Variants in AGBL1 observed in about 807,000 individuals in gnomAD.
AGBL1 encodes the protein AGBL carboxypeptidase 1.
AGBL1 carries 130 observed loss-of-function variants against 118.9 expected under a neutral mutation model. That is an observed-to-expected ratio of 1.09 (90% CI 0.95 to 1.26). The LOEUF (loss-of-function observed/expected upper bound fraction) is 1.26. AGBL1 is among the 50% of genes most tolerant of loss of function. AGBL1 has a pLI of 0.00. For synonymous variants in AGBL1, 555 were observed against 478.9 expected (o/e 1.16, Z -2.08); for missense variants, 1,584 against 1,298.1 (o/e 1.22, Z -3.38).
At chr15:86,295,502 A>G (rs763734407) in intron 17 of AGBL1, 94 bp downstream of exon 17, 11 of 1,347,992 alleles carry the variant, frequency 8.2e-6, no homozygotes, top group Non-Finnish European at 1.1e-5. Flanking sequence ...CAAAAGCTCC[A>G]TAAAGGGTTG....
intron 22 of AGBL1, among the ~76,000 whole-genome samples, chr15:86,719,416 TAAAAAG>T (rs1193309199): frequency 1.3e-5 from 2 of 152,054 alleles, no homozygotes; most frequent in Non-Finnish European, 2.9e-5. Flanking sequence ...TCCACTAATC[TAAAAAG>T]AAAAAGAAAA....
intron 22 of AGBL1, among the ~76,000 whole-genome samples, chr15:86,745,367 A>G (rs2077740541): frequency 6.6e-6 from 1 of 152,074 alleles, no homozygotes; most frequent in Non-Finnish European, 1.5e-5. Context: ...TATAGAAAAT[A>G]TTAAGTGAAA....
In AGBL1 at chr15:86,937,731, G is replaced by A. The variant is rs568974841; in HGVS notation, c.3222-50256G>A. 6.6e-5 allele frequency among the ~76,000 whole-genome samples: 10 copies of A among 152,262 alleles called. No individual in the cohort carries two copies. The South Asian group carries it at 2.1e-3, about 32-fold the overall frequency. ...TAATACCTGGGTGATGAAATAATCT[G>A]TACAACAAACCCCCATGACATGAGT... On this transcript the variant is annotated intron_variant, in intron 23 of 24. Coordinates refer to the AGBL1 transcript ENST00000441037.
intron 17 of AGBL1, among the ~76,000 whole-genome samples, chr15:86,396,519 C>T (rs1390226067): frequency 1.3e-5 from 2 of 152,048 alleles, no homozygotes; most frequent in African/African-American, 2.4e-5. Context: ...GATTGAGCTT[C>T]CAGATATTTA....
chr15:86,522,382 T>G (rs756051754), intron 18 of AGBL1, among the ~76,000 whole-genome samples: 1 of 152,216 alleles, frequency 6.6e-6, no homozygotes, highest in Non-Finnish European at 1.5e-5. Flanking sequence ...TGTTCTAATG[T>G]CTACCTTGCA....
chr15:86,425,304 C>G (rs2142030464), intron 18 of AGBL1, among the ~76,000 whole-genome samples: 1 of 152,166 alleles, frequency 6.6e-6, no homozygotes, highest in South Asian at 2.1e-4. Context: ...AAACCAAACA[C>G]CACATGTTCT....
chr15:86,635,316 C>A (rs1215420892), intron 21 of AGBL1, among the ~76,000 whole-genome samples: 1 of 87,250 alleles, frequency 1.1e-5, no homozygotes, highest in African/African-American at 5.5e-5. Flanking sequence ...TCCTCCTCCT[C>A]CTCCTCCTCC....
At chr15:86,195,984 T>G (rs943710059) in intron 5 of AGBL1, among the ~76,000 whole-genome samples, 10 of 152,198 alleles carry the variant, frequency 6.6e-5, no homozygotes, top group African/African-American at 9.6e-5. Flanking sequence ...GATTTCGTGG[T>G]CAAATAAATT....
At chr15:86,462,637 A>G (rs1361093287) in intron 18 of AGBL1, among the ~76,000 whole-genome samples, 2 of 151,968 alleles carry the variant, frequency 1.3e-5, no homozygotes, top group Non-Finnish European at 2.9e-5. Flanking sequence ...CCCTGTGCCC[A>G]TATGTTCTCA....
chr15:86,397,620 C>A (rs899465584), intron 18 of AGBL1, 74 bp downstream of exon 18: 3 of 1,415,622 alleles, frequency 2.1e-6, no homozygotes, highest in Non-Finnish European at 2.9e-6. Flanking sequence ...ACCAAGTAGG[C>A]GTGATTGGAG....
intron 22 of AGBL1, among the ~76,000 whole-genome samples, chr15:86,896,695 G>A (rs2080132976): frequency 6.6e-6 from 1 of 151,934 alleles, no homozygotes; most frequent in African/African-American, 2.4e-5. Context: ...ATTCCAATAT[G>A]CATTTTCTTT....
At chr15:86,985,771 A>G (rs971208607) in intron 23 of AGBL1, among the ~76,000 whole-genome samples, 12 of 152,018 alleles carry the variant, frequency 7.9e-5, no homozygotes, top group Non-Finnish European at 2.9e-5. Context: ...TATGGTTTAT[A>G]TTGTTGCTGT....
At chr15:86,544,964 C>T (rs185184819) in intron 19 of AGBL1, among the ~76,000 whole-genome samples, 21 of 152,234 alleles carry the variant, frequency 1.4e-4, no homozygotes, top group African/African-American at 5.1e-4. Context: ...GCATCACTGC[C>T]CTTGTCATAT....
intron 16 of AGBL1, among the ~76,000 whole-genome samples, chr15:86,285,735 T>A (rs1396945069): frequency 1.3e-5 from 2 of 152,216 alleles, no homozygotes; most frequent in Non-Finnish European, 2.9e-5. Flanking sequence ...TTTGTAATAT[T>A]ATTGTGGAAA....
At chr15:86,230,201 C>T (rs750486150) in intron 6 of AGBL1, among the ~76,000 whole-genome samples, 1 of 152,136 alleles carries the variant, frequency 6.6e-6, no homozygotes, top group East Asian at 1.9e-4. Context: ...GTGCTGAGAG[C>T]CGGATCAGGA....
chr15:86,192,146 G>A (rs1438665258), intron 5 of AGBL1, among the ~76,000 whole-genome samples: 15 of 150,972 alleles, frequency 9.9e-5, no homozygotes, highest in East Asian at 3.9e-4. Flanking sequence ...ACACATGCAC[G>A]CATGCACGTG....
intron 17 of AGBL1, among the ~76,000 whole-genome samples, chr15:86,364,380 T>C (rs189661499): frequency 5.3e-5 from 8 of 152,348 alleles, no homozygotes; most frequent in African/African-American, 1.7e-4. Flanking sequence ...AATTATGTGC[T>C]ATAGTCAGAG....
intron 23 of AGBL1, among the ~76,000 whole-genome samples, chr15:86,942,020 G>A (rs887433495): frequency 1.3e-5 from 2 of 152,186 alleles, no homozygotes; most frequent in Non-Finnish European, 2.9e-5. Context: ...CATCCAACTC[G>A]AACCAGGCAA....
chr15:86,811,356 A>G (rs1165344237), intron 22 of AGBL1, among the ~76,000 whole-genome samples: 1 of 152,196 alleles, frequency 6.6e-6, no homozygotes, highest in Non-Finnish European at 1.5e-5. Flanking sequence ...CTACTGGAAA[A>G]GTTCAGATAT....
Sources: allele counts gnomAD v4.1 joint callset (sites outside exome capture counted in the v4.1 genomes callset), GRCh38; gene constraint gnomAD v4.1.1; transcripts MANE v1.5; gene names NCBI Gene and HGNC (gene_info 2026-07-23, HGNC 2026-07-21).